KIF6: variants seen among roughly 807,000 people sequenced by gnomAD.
The protein encoded by KIF6 is kinesin family member 6.
Under a neutral mutation model 112.7 loss-of-function variants are expected in KIF6, and 106 were observed. The observed-to-expected ratio is 0.94, with a 90% CI of 0.80 to 1.11. The LOEUF (loss-of-function observed/expected upper bound fraction) is 1.11. Ranked by LOEUF, KIF6 falls within the 50% of genes least tolerant of loss-of-function variation. The probability of loss-of-function intolerance (pLI) is 0.00; values close to 1 mark genes in which losing one functional copy is unlikely to be tolerated. For synonymous variants in KIF6, 339 were observed against 339.9 expected (o/e 1.00, Z 0.03); for missense variants, 929 against 964.0 (o/e 0.96, Z 0.48).
Position 39,578,490 on chromosome 6 carries a change from G to A in KIF6, c.1078-331C>T, listed in dbSNP as rs1163945321. Among the ~76,000 whole-genome samples, 5 of 151,898 alleles carry A rather than the reference G, an allele frequency of 3.3e-5. No homozygotes were observed. In the East Asian group the frequency reaches 7.8e-4, roughly 24 times the overall value. ...ACTACAGGCGCATGCTACCATGCCC[G>A]GCTAATCTTTTGTATTTTTTTTAGT... On this transcript the variant is annotated intron_variant, in intron 9 of 22. Coordinates refer to ENST00000287152, the MANE Select transcript of KIF6 (RefSeq NM_145027.6).
In KIF6 at chr6:39,558,329, C is replaced by T. The variant is rs577179624; in HGVS notation, c.1182-12641G>A. 2.6e-5 allele frequency among the ~76,000 whole-genome samples: 4 copies of T among 152,260 alleles called. No individual in the cohort carries two copies. The South Asian group carries it at 8.3e-4, about 32-fold the overall frequency. On this transcript the variant is annotated intron_variant, in intron 10 of 22. Coordinates refer to ENST00000287152, the MANE Select transcript of KIF6 (RefSeq NM_145027.6). ...TTTATCCATCCTTTGTGCAGGCTAT[C>T]AGGAACCAGGTGTTAGGGATTGATG...
At chr6:39,559,348 T>TAATC (rs1779892977) in intron 10 of KIF6, among the ~76,000 whole-genome samples, 1 of 152,176 alleles carries the variant, frequency 6.6e-6, no homozygotes, top group Non-Finnish European at 1.5e-5. Flanking sequence ...TGGTGTGAAT[T>TAATC]AATCATTTGG....
chr6:39,490,781 G>A (rs999723978), intron 13 of KIF6, among the ~76,000 whole-genome samples: 4 of 152,044 alleles, frequency 2.6e-5, no homozygotes, highest in African/African-American at 7.2e-5. Flanking sequence ...AAAGGAGGAA[G>A]AAAGTCAAAA....
chr6:39,636,428 G>A (rs1424122128), intron 4 of KIF6, among the ~76,000 whole-genome samples: 1 of 151,932 alleles, frequency 6.6e-6, no homozygotes, highest in East Asian at 1.9e-4. Context: ...TTCTTCTGAT[G>A]TGGATGACTC....
At position 39,362,535 on chromosome 6, in the gene KIF6, C is replaced by A. The variant is rs1765242730; in HGVS notation, c.1862-17G>T. ...CCGAGATTCCTGTAGAAGGAAGGTG[C>A]CAATGGGATGGTGAGAAAGAAGGGT... On this transcript the variant is annotated splice_polypyrimidine_tract_variant and intron_variant, in intron 16 of 22. Transcript: ENST00000287152. The A allele has an allele frequency of 6.4e-7, 1 of 1,569,602 alleles. No homozygotes were observed. The highest frequency in any genetic ancestry group is 8.8e-7 in the Non-Finnish European group (1 of 1,139,334).
At chr6:39,630,619 T>C (rs1784305500) in intron 5 of KIF6, among the ~76,000 whole-genome samples, 1 of 152,062 alleles carries the variant, frequency 6.6e-6, no homozygotes, top group Admixed American at 6.6e-5. Context: ...TTGAATCATC[T>C]GTCAACAAAG....
chr6:39,664,646 T>C lies in KIF6; in HGVS notation c.252-24889A>G, dbSNP rs560936712. ...TGGAAGACAAAAAATAGCTAAGACA[T>C]ATATATTTTTCTCTTCTCTAGCTTG... On this transcript the variant is annotated intron_variant, in intron 3 of 22. Coordinates refer to ENST00000287152, the MANE Select transcript of KIF6 (RefSeq NM_145027.6). 4.6e-5 allele frequency among the ~76,000 whole-genome samples: 7 copies of C among 152,272 alleles called. No homozygotes were observed. In the South Asian group the frequency reaches 1.2e-3, roughly 27 times the overall value.
rs1200053623 is a variant in KIF6 at position 39,378,791 on chromosome 6, T to C, written c.1861+6831A>G. ...GATCCAGCCCTGATCAAATATTGCT[T>C]AGAAGAGATATTTGAGAGAGAGGCC... is the stretch of plus-strand genomic sequence containing the variant. On this transcript the variant is annotated intron_variant, in intron 16 of 22. Coordinates refer to ENST00000287152, the MANE Select transcript of KIF6 (RefSeq NM_145027.6). The surrounding 1 kb of genome is among the most constrained non-coding windows in gnomAD (Gnocchi z 5.0). Among the ~76,000 whole-genome samples the C allele has an allele frequency of 2.0e-5, 3 of 152,186 alleles. No homozygotes were observed. The highest frequency in any genetic ancestry group is 4.4e-5 in the Non-Finnish European group (3 of 68,032).
intron 3 of KIF6, among the ~76,000 whole-genome samples, chr6:39,713,974 G>A (rs988923852): frequency 6.6e-5 from 10 of 152,160 alleles, no homozygotes. Context: ...AGATGAATGT[G>A]TCTTGGGATT....
At chr6:39,490,958 A>T (rs1290456027) in intron 13 of KIF6, among the ~76,000 whole-genome samples, 1 of 152,052 alleles carries the variant, frequency 6.6e-6, no homozygotes, top group Non-Finnish European at 1.5e-5. Flanking sequence ...CCCTCACTAC[A>T]CTCTGCACAT....
intron 6 of KIF6, among the ~76,000 whole-genome samples, chr6:39,600,895 T>C (rs570917836): frequency 2.0e-5 from 3 of 152,308 alleles, no homozygotes; most frequent in Non-Finnish European, 2.9e-5. Flanking sequence ...CAAATTTACA[T>C]GAAGTAATTT....
chr6:39,539,954 C>T (rs1582088254), intron 13 of KIF6, 49 bp downstream of exon 13: 2 of 1,398,910 alleles, frequency 1.4e-6, no homozygotes, highest in Non-Finnish European at 2.0e-6. Context: ...GGTGCTACAT[C>T]GAAATCCATT....
intron 3 of KIF6, among the ~76,000 whole-genome samples, chr6:39,708,217 A>G (rs1324581394): frequency 2.0e-5 from 3 of 152,172 alleles, no homozygotes; most frequent in African/African-American, 7.2e-5. Flanking sequence ...CCCTGCCATG[A>G]GAAAATCCCC....
At chr6:39,472,236 AC>A (rs1198360829) in intron 13 of KIF6, among the ~76,000 whole-genome samples, 1 of 151,876 alleles carries the variant, frequency 6.6e-6, no homozygotes, top group East Asian at 1.9e-4. Context: ...GATACTAACA[AC>A]CAAGCCCAAT....
chr6:39,628,141 T>C (rs973975488), intron 5 of KIF6, among the ~76,000 whole-genome samples: 2 of 152,120 alleles, frequency 1.3e-5, no homozygotes, highest in African/African-American at 2.4e-5. Flanking sequence ...TTCCCAATTG[T>C]AACATCTTGC....
chr6:39,365,828 C>G (rs1043329664), intron 16 of KIF6, among the ~76,000 whole-genome samples: 2 of 152,110 alleles, frequency 1.3e-5, no homozygotes, highest in Non-Finnish European at 2.9e-5. Flanking sequence ...TGGAGGCGGG[C>G]GGAGGAAGGG....
At chr6:39,595,908 A>G (rs1166264103) in intron 7 of KIF6, 146 bp downstream of exon 7, 1 of 607,388 alleles carries the variant, frequency 1.6e-6, no homozygotes, top group Non-Finnish European at 2.9e-6. Flanking sequence ...ATTGAGTTGT[A>G]CACTTAAAAA....
rs139808397 is a variant in KIF6, at chr6:39,417,349, G to A, written c.1810+2599C>T. Among the ~76,000 whole-genome samples, 970 of 152,298 alleles carry A rather than the reference G, an allele frequency of 6.4e-3. 7 individuals carry two copies. Among genetic ancestry groups the A allele is most frequent in the Non-Finnish European group, 9.5e-3 (648 of 68,026 alleles). ...GTGGCCAGGAATGGGTCTCACTGTG[G>A]TATTTGCATAAAGTGAAGTGAAGAC... is the stretch of plus-strand genomic sequence containing the variant. On this transcript the variant is annotated intron_variant, in intron 15 of 22. Transcript: ENST00000287152.
intron 13 of KIF6, among the ~76,000 whole-genome samples, chr6:39,515,120 GA>G (rs1431470160): frequency 2.0e-5 from 3 of 152,162 alleles, no homozygotes; most frequent in Admixed American, 6.5e-5. Flanking sequence ...ATGAGGTAAG[GA>G]AAACATTTCA....
Sources: allele counts gnomAD v4.1 joint callset (sites outside exome capture counted in the v4.1 genomes callset), GRCh38; gene constraint gnomAD v4.1.1; non-coding constraint Gnocchi (gnomAD v3.1); transcripts MANE v1.5; gene names NCBI Gene and HGNC (gene_info 2026-07-23, HGNC 2026-07-21).